CACNA1H: variants seen among roughly 807,000 people sequenced by gnomAD.
CACNA1H encodes calcium voltage-gated channel subunit alpha1 H.
Under a neutral mutation model 192.5 loss-of-function variants are expected in CACNA1H, and 149 were observed. The ratio of observed to expected loss-of-function variants is 0.77; its 90% CI spans 0.68 to 0.89. The LOEUF (loss-of-function observed/expected upper bound fraction) is 0.89, where lower values mean the gene tolerates loss of function less well. Among genes scored for constraint, CACNA1H ranks in the 40% least tolerant of loss-of-function variants. CACNA1H has a pLI of 0.00. For missense variants in CACNA1H, 4,257 were observed against 3,423.5 expected, an observed-to-expected ratio of 1.24 and a Z score of -6.08; for synonymous variants, 2,202 against 1,475.2, an observed-to-expected ratio of 1.49 and a Z score of -11.29.
At chr16:1,214,059 G>T in intron 27 of CACNA1H, 128 bp downstream of exon 27, 1 of 809,696 alleles carries the variant, frequency 1.2e-6, no homozygotes, top group Non-Finnish European at 2.0e-6. Context: ...GGGATGTGGG[G>T]TTTTGTGTGA....
At chr16:1,156,913 C>T (rs1181874658) in intron 2 of CACNA1H, 2 of 152,226 alleles carry the variant, frequency 1.3e-5, no homozygotes, top group Non-Finnish European at 2.9e-5. Flanking sequence ...GCAAAGGAGC[C>T]TCCAAGGACG....
At chr16:1,159,514 G>A (rs931656534) in intron 2 of CACNA1H, 2 of 152,412 alleles carry the variant, frequency 1.3e-5, no homozygotes, top group Non-Finnish European at 2.9e-5. Flanking sequence ...CAGTTCCCGA[G>A]CCTGCCCTCG....
chr16:1,161,184 T>C (rs1409555410), intron 2 of CACNA1H, among the ~76,000 whole-genome samples: 5 of 152,120 alleles, frequency 3.3e-5, no homozygotes, highest in African/African-American at 1.2e-4. Context: ...GGGCTGCTGG[T>C]GGTGTGGGTG....
intron 2 of CACNA1H, among the ~76,000 whole-genome samples, chr16:1,179,615 G>A (rs549461531): frequency 6.6e-6 from 1 of 151,926 alleles, no homozygotes; most frequent in South Asian, 2.1e-4. Flanking sequence ...TGTTAGTAGA[G>A]ACGGGATTTT....
At chr16:1,188,767 C>A (rs1401639244) in intron 2 of CACNA1H, among the ~76,000 whole-genome samples, 2 of 152,194 alleles carry the variant, frequency 1.3e-5, no homozygotes, top group Admixed American at 1.3e-4. Context: ...TCTGTGTTTC[C>A]GGCCAGGAGG....
intron 6 of CACNA1H, 28 bp downstream of exon 6, chr16:1,198,802 C>A (rs745388113): frequency 6.3e-7 from 1 of 1,591,178 alleles, no homozygotes; most frequent in East Asian, 2.3e-5. Flanking sequence ...CCGTGAGGCC[C>A]CTGCCCAGAT....
intron 5 of CACNA1H, among the ~76,000 whole-genome samples, chr16:1,196,747 C>A (rs9922820): frequency 0.095 from 14,502 of 152,102 alleles, 866 homozygotes; most frequent in South Asian, 0.13. Context: ...GAAGAGCTTC[C>A]AGGAAGTCAT....
In CACNA1H at chr16:1,200,499, G is replaced by A. The variant is rs72552034; in HGVS notation, c.1047G>A (p.Ser349=). ...ACCAGTACTACAACGTGTGCCGCTC[G>A]GGTGACTCCAACCCCCACAACGGTG... is the stretch of plus-strand genomic sequence containing the variant. The part of the protein sequence containing the change: ...NWNQYYNVCR[S]GDSNPHNGAI... The change falls in exon 7 of 35, where the codon TCG becomes TCA. Residue 349 remains serine (S), a synonymous_variant. Transcript: ENST00000348261. 1.4e-4 allele frequency: 225 copies of A among 1,612,250 alleles called. 2 individuals are homozygous for A. The Middle Eastern group carries it at 6.9e-3, about 50-fold the overall frequency.
In CACNA1H at chr16:1,207,290, G is replaced by A; in HGVS notation, c.2923G>A (p.Asp975Asn). The change falls in exon 14 of 35, where the codon GAC (aspartate) becomes AAC (asparagine). Residue 975 changes from aspartate to asparagine, a missense_variant. Asp to Asn is a conservative substitution (Grantham distance 23). Transcript: ENST00000348261. ...TATCCCCCAGATCCTGACCCAGGAG[G>A]ACTGGAACGTGGTCCTGTACAACGG... is the stretch of plus-strand genomic sequence containing the variant. ...VTVFQILTQEDWNVVLYNGMA... is the reference protein window; with the variant it reads ...VTVFQILTQENWNVVLYNGMA... 1.2e-6 allele frequency: 2 copies of A among 1,609,376 alleles called. No homozygotes were observed. The highest frequency in any genetic ancestry group is 1.7e-6 in the Non-Finnish European group (2 of 1,177,912).
At position 1,218,474 on chromosome 16, in the gene CACNA1H, G is replaced by T. The variant is rs1172357662; in HGVS notation, c.5710G>T (p.Glu1904Ter). Residue 1904 changes from glutamate (E) to a stop codon, truncating the protein, a stop_gained, in exon 33 of 35, where the codon GAG becomes TAG. Transcript: ENST00000348261. LOFTEE classifies it high-confidence loss of function. ...VDADRPPLPQ[E>*]SPGARDAPNL... ...CGCGGACAGGCCTCCCTTGCCCCAG[G>T]AGAGTCCGGGCGCCAGGGACGCCCC... 1 of 1,551,684 alleles carries T rather than the reference G, an allele frequency of 6.4e-7. No homozygotes were observed. Among genetic ancestry groups the T allele is most frequent in the Non-Finnish European group, 8.7e-7 (1 of 1,147,908 alleles).
intron 2 of CACNA1H, among the ~76,000 whole-genome samples, chr16:1,176,159 C>G (rs1278130692): frequency 6.6e-6 from 1 of 152,260 alleles, no homozygotes; most frequent in Non-Finnish European, 1.5e-5. Context: ...TTCAGCCTAA[C>G]CCATTAAACA....
At chr16:1,219,541 G>A (rs1200558136) in intron 34 of CACNA1H, among the ~76,000 whole-genome samples, 1 of 152,228 alleles carries the variant, frequency 6.6e-6, no homozygotes, top group Non-Finnish European at 1.5e-5. Context: ...GTCCTGGCTT[G>A]TGTTCAGATG....
rs1422354212 is a variant in CACNA1H at position 1,213,375 on chromosome 16, G to C, written c.4778-405G>C. 2.0e-5 allele frequency among the ~76,000 whole-genome samples: 3 copies of C among 152,138 alleles called. No homozygotes were observed. The East Asian group carries it at 5.9e-4, about 30-fold the overall frequency. ...GCCCAGCCACGTGCTGCGCCAACTT[G>C]GGAGCTCCAGGGGGGCGGGCCCTGC... On this transcript the variant is annotated intron_variant, in intron 26 of 34. Transcript: ENST00000348261.
Position 1,205,261 on chromosome 16 carries a change from A to G in CACNA1H, c.2599A>G (p.Ile867Val). 6.2e-7 allele frequency: 1 copy of G among 1,605,204 alleles called. No homozygotes were observed. Among genetic ancestry groups the G allele is most frequent in the Non-Finnish European group, 8.5e-7 (1 of 1,173,618 alleles). ...YNIFDGIIVVISVWEIVGQAD... is the reference protein window; with the variant it reads ...YNIFDGIIVVVSVWEIVGQAD... ...CATCTTCGACGGCATCATCGTGGTC[A>G]TCAGGTGGGTCCCCACCCTCTCCCC... Residue 867 changes from isoleucine (I) to valine (V), a missense_variant, in exon 11 of 35, where the codon ATC becomes GTC. By Grantham distance (29) the Ile-to-Val change is conservative (BLOSUM62 3). Transcript: ENST00000348261.
intron 16 of CACNA1H, among the ~76,000 whole-genome samples, chr16:1,208,573 T>C (rs1052540240): frequency 6.6e-6 from 1 of 152,122 alleles, no homozygotes; most frequent in African/African-American, 2.4e-5. Context: ...CCCGATTCCC[T>C]TTACGGCCAG....
chr16:1,178,975 A>T (rs557800963), intron 2 of CACNA1H, among the ~76,000 whole-genome samples: 2 of 151,990 alleles, frequency 1.3e-5, no homozygotes, highest in Admixed American at 6.5e-5. Context: ...TCCCAGCCCC[A>T]CCATTTTCCT....
Position 1,195,046 on chromosome 16 carries a change from A to ACGTTGAGTGCGGCTC in CACNA1H, c.377_391dup (p.Val126_Ser130dup). 6.2e-7 allele frequency: 1 copy of ACGTTGAGTGCGGCTC among 1,608,530 alleles called. No individual in the cohort carries two copies. Among genetic ancestry groups the ACGTTGAGTGCGGCTC allele is most frequent in the Non-Finnish European group, 8.5e-7 (1 of 1,177,316 alleles). On this transcript the variant is annotated inframe_insertion, in exon 3 of 35. Transcript: ENST00000348261. ...CTGGGCATGTTCCGGCCCTGTGAGGACGTTGAGTGCGGCTCCGAGCGCTGC... is the reference window on the plus strand; with the variant it reads ...CTGGGCATGTTCCGGCCCTGTGAGGACGTTGAGTGCGGCTCCGTTGAGTGCGGCTCCGAGCGCTGC...
In CACNA1H at chr16:1,221,136, C is replaced by A; in HGVS notation, c.*142C>A. ...GCCCGGGGAGGATGACGGCCCAGGC[C>A]CTGGTTCTCTGCCCAGCGAAGCAGG... On this transcript the variant is annotated 3_prime_UTR_variant, in exon 35 of 35. Coordinates refer to ENST00000348261, the MANE Select transcript of CACNA1H (RefSeq NM_021098.3). 1.6e-6 allele frequency: 1 copy of A among 635,484 alleles called. No homozygotes were observed. 39.4% of individuals were successfully genotyped at this position (635,484 alleles called of 1,614,324 possible). A position where few individuals can be genotyped will look rare whatever the true frequency, so the allele number is the denominator to read the frequency against.
chr16:1,188,793 C>T (rs80028258), intron 2 of CACNA1H, among the ~76,000 whole-genome samples: 4,746 of 152,320 alleles, frequency 0.031, 285 homozygotes, highest in African/African-American at 0.11. Flanking sequence ...TCCTCGCCCC[C>T]TCCTGGATGT....
Sources: gnomAD v4.1 joint callset for allele counts (sites outside exome capture counted in the v4.1 genomes callset) on GRCh38, gnomAD v4.1.1 for gene constraint, MANE v1.5 for transcripts, NCBI Gene and HGNC (gene_info 2026-07-23, HGNC 2026-07-21) for gene names.